The following ABCG2 variants were observed in gnomAD, a reference collection of about 807,000 sequenced individuals.
The protein encoded by ABCG2 is broad substrate specificity ATP-binding cassette transporter ABCG2.
A neutral mutation model predicts 73.5 loss-of-function variants in ABCG2; 80 were observed. The observed-to-expected ratio is 1.09, with a 90% CI of 0.91 to 1.31. ABCG2 has a LOEUF of 1.31. Among genes scored for constraint, ABCG2 ranks in the 50% most tolerant of loss-of-function variants. ABCG2 has a pLI of 0.00. For synonymous variants in ABCG2, 269 were observed against 282.4 expected, an observed-to-expected ratio of 0.95 and a Z score of 0.48; for missense variants, 796 against 786.2, an observed-to-expected ratio of 1.01 and a Z score of -0.15.
chr4:88,179,464 C>T (rs1728143079), intron 1 of ABCG2, among the ~76,000 whole-genome samples: 1 of 152,152 alleles, frequency 6.6e-6, no homozygotes, highest in Non-Finnish European at 1.5e-5. Flanking sequence ...CAGGCCCAGA[C>T]TACAATAAAT....
Position 88,131,113 on chromosome 4 carries a change from C to T in ABCG2, c.479G>A (p.Arg160Gln), listed in dbSNP as rs528655917. ...TAACTCTTGAATGACCCTGTTAATCCGTTCGTTTTTTTCATGATTCGTCAT... is the reference window on the plus strand; with the variant it reads ...TAACTCTTGAATGACCCTGTTAATCTGTTCGTTTTTTTCATGATTCGTCAT... ...TTMTNHEKNERINRVIQELGL... is the reference protein window; with the variant it reads ...TTMTNHEKNEQINRVIQELGL... The change falls in exon 5 of 16, where the codon CGG (arginine) becomes CAG (glutamine). Residue 160 changes from arginine (R) to glutamine (Q), a missense_variant. Physicochemically the swap from Arg to Gln is conservative, Grantham distance 43. Transcript: ENST00000237612. 117 of 1,613,960 alleles carry T rather than the reference C, an allele frequency of 7.2e-5. No individual in the cohort carries two copies. In the East Asian group the frequency reaches 8.9e-4, roughly 12 times the overall value.
At chr4:88,201,225 A>AG (rs1553945569) in intron 1 of ABCG2, among the ~76,000 whole-genome samples, 429 of 151,406 alleles carry the variant, frequency 2.8e-3, no homozygotes, top group African/African-American at 9.8e-3. Context: ...AAAAAAAAAA[A>AG]AGAGAGAGGA....
intron 1 of ABCG2, among the ~76,000 whole-genome samples, chr4:88,219,210 C>T (rs1729918881): frequency 6.6e-6 from 1 of 152,218 alleles, no homozygotes; most frequent in Admixed American, 6.5e-5. Context: ...CTAACACAAC[C>T]TCCAGGTGGA....
rs75659660 is a variant in ABCG2, at chr4:88,131,417, T to C, written c.379-204A>G. Among the ~76,000 whole-genome samples, 9 of 152,310 alleles carry C rather than the reference T, an allele frequency of 5.9e-5. No homozygotes were observed. The East Asian group carries it at 1.3e-3, about 23-fold the overall frequency. On this transcript the variant is annotated intron_variant, in intron 4 of 15. Transcript: ENST00000237612. ...CTATAATCATTTTTCACCCCCTATC[T>C]GTACACCCAAATAGAATGCAAGTAA...
intron 5 of ABCG2, among the ~76,000 whole-genome samples, chr4:88,128,884 C>T (rs1047126529): frequency 3.3e-5 from 5 of 152,178 alleles, no homozygotes; most frequent in East Asian, 3.9e-4. Flanking sequence ...CAAACCTGCA[C>T]GTTCTGCACA....
At chr4:88,152,675 T>C (rs1320197438) in intron 1 of ABCG2, among the ~76,000 whole-genome samples, 2 of 152,124 alleles carry the variant, frequency 1.3e-5, no homozygotes, top group African/African-American at 4.8e-5. Context: ...TCTGGATGTA[T>C]ATGTGCAGGT....
At chr4:88,224,566 A>G (rs1730133050) in intron 1 of ABCG2, among the ~76,000 whole-genome samples, 1 of 151,960 alleles carries the variant, frequency 6.6e-6, no homozygotes, top group African/African-American at 2.4e-5. Flanking sequence ...ATCATGACTC[A>G]CTGCAACCTC....
intron 9 of ABCG2, among the ~76,000 whole-genome samples, chr4:88,110,273 G>A (rs1418982658): frequency 6.6e-6 from 1 of 152,050 alleles, no homozygotes; most frequent in Non-Finnish European, 1.5e-5. Context: ...CAGGCACAGT[G>A]GCTCACATCT....
chr4:88,140,881 A>C (rs1011584632), intron 1 of ABCG2, among the ~76,000 whole-genome samples: 8 of 152,214 alleles, frequency 5.3e-5, no homozygotes, highest in African/African-American at 1.9e-4. Flanking sequence ...GTTAGGTACG[A>C]AAATCATTAA....
At chr4:88,102,500 G>A (rs541650079) in intron 10 of ABCG2, among the ~76,000 whole-genome samples, 2 of 151,932 alleles carry the variant, frequency 1.3e-5, no homozygotes, top group Admixed American at 6.6e-5. Context: ...GGAGGCTGAG[G>A]CAGGAGAATC....
intron 1 of ABCG2, among the ~76,000 whole-genome samples, chr4:88,194,549 C>CAAAAAAAAAAAAAAAAAA: frequency 1.9e-5 from 1 of 52,554 alleles, no homozygotes; most frequent in Non-Finnish European, 3.1e-5. Flanking sequence ...GACTCCGTCT[C>CAAAAAAAAAAAAAAAAAA]AAAAAAAAAA....
intron 1 of ABCG2, among the ~76,000 whole-genome samples, chr4:88,164,346 T>C (rs772148574): frequency 3.3e-5 from 5 of 152,204 alleles, no homozygotes; most frequent in African/African-American, 4.8e-5. Flanking sequence ...ATTACAGGCG[T>C]GAGCTACGGC....
chr4:88,094,916 T>C (rs919474968), intron 14 of ABCG2, among the ~76,000 whole-genome samples: 1 of 152,196 alleles, frequency 6.6e-6, no homozygotes, highest in African/African-American at 2.4e-5. Flanking sequence ...TACTACACCA[T>C]AGCTCCTTCC....
At chr4:88,115,232 G>GTCTCTCTCTCTCTCTCTC (rs201460174) in intron 7 of ABCG2, among the ~76,000 whole-genome samples, 174 bp from the exon 8 acceptor site, 1 of 28,970 alleles carries the variant, frequency 3.5e-5, no homozygotes, top group Non-Finnish European at 6.0e-5. Context: ...TATATATTCA[G>GTCTCTCTCTCTCTCTCTC]TCTCTCTCTC....
chr4:88,097,751 G>A (rs931037930), intron 12 of ABCG2, 144 bp from the exon 13 acceptor site: 30 of 797,488 alleles, frequency 3.8e-5, no homozygotes, highest in African/African-American at 1.0e-4. Context: ...AACCACCCTC[G>A]GTCTCCAATG....
intron 7 of ABCG2, 73 bp from the exon 8 acceptor site, chr4:88,115,131 T>C: frequency 9.8e-7 from 1 of 1,020,294 alleles, no homozygotes; most frequent in Admixed American, 1.8e-5. Flanking sequence ...TTTCAGAGGG[T>C]GAGGGAGGTA....
chr4:88,144,513 T>C (rs1417972005), intron 1 of ABCG2, among the ~76,000 whole-genome samples: 5 of 132,282 alleles, frequency 3.8e-5, no homozygotes, highest in Non-Finnish European at 7.7e-5. Flanking sequence ...TGGAGTGCAA[T>C]GGCATGATCT....
At chr4:88,209,589 G>A (rs186902950) in intron 1 of ABCG2, among the ~76,000 whole-genome samples, 61 of 150,866 alleles carry the variant, frequency 4.0e-4, no homozygotes, top group African/African-American at 1.3e-3. Context: ...CCTGGGAGCC[G>A]GAGGTTGCAG....
chr4:88,113,524 C>T lies in ABCG2; in HGVS notation c.973G>A (p.Asp325Asn). Residue 325 changes from aspartate (D) to asparagine (N), a missense_variant, in exon 9 of 16, where the codon GAT becomes AAT. Transcript: ENST00000237612. ...GCTAATTTTTCTATGAGTGGCTTAT[C>T]CTGCTTGGAAGGCTCTATGATCTCT... ...ATEIIEPSKQ[D>N]KPLIEKLAEI... 1 of 1,613,970 alleles carries T rather than the reference C, an allele frequency of 6.2e-7. No homozygotes were observed. The highest frequency in any genetic ancestry group is 8.5e-7 in the Non-Finnish European group (1 of 1,179,996).
Sources: gnomAD v4.1 joint callset for allele counts (sites outside exome capture counted in the v4.1 genomes callset) on GRCh38, gnomAD v4.1.1 for gene constraint, MANE v1.5 for transcripts, NCBI Gene and HGNC (gene_info 2026-07-23, HGNC 2026-07-21) for gene names.